Variants in GRIN2B observed in about 807,000 individuals in gnomAD.
GRIN2B encodes glutamate ionotropic receptor NMDA type subunit 2B.
In GRIN2B, 5 loss-of-function variants were observed where a neutral mutation model predicts 114.5. That is an observed-to-expected ratio of 0.04 (90% CI 0.02 to 0.09). GRIN2B has a LOEUF of 0.09. Ranked by LOEUF, GRIN2B falls within the 10% of genes least tolerant of loss-of-function variation. The pLI, the probability that GRIN2B is intolerant of heterozygous loss-of-function variation, is 1.00. For missense variants in GRIN2B, 1,108 were observed against 1,943.5 expected (o/e 0.57, Z 8.08); for synonymous variants, 787 against 745.1 (o/e 1.06, Z -0.92).
chr12:13,567,114 T>A lies in GRIN2B; in HGVS notation c.2509A>T (p.Ile837Phe), dbSNP rs1948651012. ...TGCCAATAGAAAAGGTGTTCGCAGA[T>A]GAAGGTGATGAGGCTGAGAGCCATG... ...AAMALSLITF[I>F]CEHLFYWQFR... Residue 837 changes from isoleucine to phenylalanine, a missense_variant, in exon 13 of 14, where the codon ATC becomes TTC. Physicochemically the swap from Ile to Phe is conservative, Grantham distance 21. Transcript: ENST00000609686. 6.2e-7 allele frequency: 1 copy of A among 1,614,070 alleles called. No homozygotes were observed. The highest frequency in any genetic ancestry group is 1.3e-5 in the African/African-American group (1 of 74,932).
chr12:13,963,236 G>C (rs183423885), intron 2 of GRIN2B, among the ~76,000 whole-genome samples: 1 of 152,102 alleles, frequency 6.6e-6, no homozygotes, highest in East Asian at 1.9e-4. Flanking sequence ...TCGCCCCCTT[G>C]GACACACCTA....
At chr12:13,584,227 G>A (rs1948888533) in intron 10 of GRIN2B, among the ~76,000 whole-genome samples, 1 of 152,086 alleles carries the variant, frequency 6.6e-6, no homozygotes, top group African/African-American at 2.4e-5. Flanking sequence ...GCTCTTCTCT[G>A]CCCCAAAAGC....
At chr12:13,841,719 T>A (rs1392316751) in intron 3 of GRIN2B, among the ~76,000 whole-genome samples, 2 of 152,146 alleles carry the variant, frequency 1.3e-5, no homozygotes, top group East Asian at 1.9e-4. Context: ...CAATCCATGA[T>A]AAAGTTATCA....
chr12:13,624,661 C>T (rs150197399), intron 5 of GRIN2B, among the ~76,000 whole-genome samples: 192 of 152,312 alleles, frequency 1.3e-3, no homozygotes, highest in African/African-American at 4.3e-3. Flanking sequence ...AGCTGGGGAC[C>T]GGTGTCTCTG....
intron 4 of GRIN2B, among the ~76,000 whole-genome samples, chr12:13,696,429 T>C (rs1950259541): frequency 6.6e-6 from 1 of 152,174 alleles, no homozygotes; most frequent in Non-Finnish European, 1.5e-5. Flanking sequence ...TATAAGATGA[T>C]TGCTTCAGTA....
At chr12:13,812,735 T>C (rs1327987502) in intron 3 of GRIN2B, among the ~76,000 whole-genome samples, 2 of 152,092 alleles carry the variant, frequency 1.3e-5, no homozygotes, top group Non-Finnish European at 2.9e-5. Context: ...AGATCAGATA[T>C]GTCGATTCAG....
intron 3 of GRIN2B, among the ~76,000 whole-genome samples, chr12:13,865,110 A>G (rs1565567334): frequency 2.0e-5 from 3 of 152,102 alleles, no homozygotes; most frequent in Non-Finnish European, 2.9e-5. Flanking sequence ...GCCTTGAGGG[A>G]TTTTTCTTTT....
chr12:13,670,962 GGTAAAT>G (rs1950017007), intron 5 of GRIN2B, among the ~76,000 whole-genome samples: 1 of 152,000 alleles, frequency 6.6e-6, no homozygotes, highest in South Asian at 2.1e-4. Flanking sequence ...AAAGTAGTTG[GGTAAAT>G]GTATCAAATC....
intron 2 of GRIN2B, among the ~76,000 whole-genome samples, chr12:13,933,860 C>T (rs1867081614): frequency 6.6e-6 from 1 of 152,190 alleles, no homozygotes; most frequent in African/African-American, 2.4e-5. Flanking sequence ...GAGGTTCACC[C>T]TGCCTGAAGG....
chr12:13,672,994 G>A (rs912030643), intron 5 of GRIN2B, among the ~76,000 whole-genome samples: 6 of 152,118 alleles, frequency 3.9e-5, no homozygotes, highest in African/African-American at 9.7e-5. Flanking sequence ...TATGAAATAC[G>A]CCCTTACAGG....
intron 5 of GRIN2B, among the ~76,000 whole-genome samples, chr12:13,647,264 C>A (rs569660156): frequency 6.6e-6 from 1 of 152,162 alleles, no homozygotes; most frequent in South Asian, 2.1e-4. Context: ...CAATTGTTAT[C>A]TCTTTTTAAT....
intron 10 of GRIN2B, among the ~76,000 whole-genome samples, chr12:13,607,067 C>T (rs116820107): frequency 0.011 from 1,616 of 144,642 alleles, 26 homozygotes; most frequent in African/African-American, 0.039. Context: ...CAGCAGCGGC[C>T]CTCTAGTAAC....
chr12:13,542,308 C>CA lies in GRIN2B; in HGVS notation c.*20474dup, dbSNP rs1948288072. ...TAAGAACAAATAATTATGACCCCCC[C>CA]ACAACGAGACTAGCTTAGTTGGGAA... On this transcript the variant is annotated 3_prime_UTR_variant, in exon 14 of 14. Transcript: ENST00000609686. The CA allele has an allele frequency of 6.6e-6, 1 of 151,978 alleles. No individual in the cohort carries two copies. The highest frequency in any genetic ancestry group is 2.4e-5 in the African/African-American group (1 of 41,342). The allele number at this position is 151,978 out of a possible 1,614,324, so 9.4% of individuals were successfully genotyped here.
chr12:13,775,710 T>A (rs908226246), intron 3 of GRIN2B, among the ~76,000 whole-genome samples: 2 of 152,242 alleles, frequency 1.3e-5, no homozygotes, highest in African/African-American at 4.8e-5. Context: ...CCATGCCCCA[T>A]AGTTAATAAA....
chr12:13,761,046 C>T (rs186909659), intron 3 of GRIN2B, among the ~76,000 whole-genome samples: 5 of 152,268 alleles, frequency 3.3e-5, no homozygotes, highest in East Asian at 3.9e-4. Flanking sequence ...CTGAAACACA[C>T]AATGGAAGCA....
chr12:13,854,167 A>G (rs1200575988), intron 3 of GRIN2B, among the ~76,000 whole-genome samples: 2 of 152,204 alleles, frequency 1.3e-5, no homozygotes, highest in African/African-American at 4.8e-5. Context: ...GGCCCTGGAA[A>G]GTAGAAAAAT....
At position 13,616,440 on chromosome 12, in the gene GRIN2B, G is replaced by C; in HGVS notation, c.1328+15C>G. The C allele has an allele frequency of 6.2e-7, 1 of 1,601,886 alleles. No homozygotes were observed. The highest frequency in any genetic ancestry group is 8.5e-7 in the Non-Finnish European group (1 of 1,169,846). On this transcript the variant is annotated intron_variant, in intron 6 of 13. Coordinates refer to ENST00000609686, the MANE Select transcript of GRIN2B (RefSeq NM_000834.5). ...CTCTCCCATGCCACCCAAAGTCATT[G>C]AGAGGATGCCATACTCAGTGACTAT... is the stretch of plus-strand genomic sequence containing the variant.
chr12:13,853,879 T>C (rs1865614505), intron 3 of GRIN2B, among the ~76,000 whole-genome samples: 1 of 152,236 alleles, frequency 6.6e-6, no homozygotes, highest in African/African-American at 2.4e-5. Context: ...TAAATATGTA[T>C]TAAGGGCTTA....
At chr12:13,693,275 C>T (rs547761273) in intron 4 of GRIN2B, among the ~76,000 whole-genome samples, 68 of 152,050 alleles carry the variant, frequency 4.5e-4, no homozygotes, top group Middle Eastern at 3.4e-3. Flanking sequence ...AAGACCCTAT[C>T]GATGAAGTTA....
Sources: gnomAD v4.1 joint callset for allele counts (sites outside exome capture counted in the v4.1 genomes callset) on GRCh38, gnomAD v4.1.1 for gene constraint, MANE v1.5 for transcripts, NCBI Gene and HGNC (gene_info 2026-07-23, HGNC 2026-07-21) for gene names.